Variants in MAGI2 observed in about 807,000 individuals in gnomAD.
MAGI2 encodes membrane-associated guanylate kinase, WW and PDZ domain-containing protein 2.
A neutral mutation model predicts 133.3 loss-of-function variants in MAGI2; 35 were observed. The observed-to-expected ratio is 0.26, with a 90% CI of 0.20 to 0.35. MAGI2 has a LOEUF of 0.35. Among genes scored for constraint, MAGI2 ranks in the 10% least tolerant of loss-of-function variants. The pLI is 1.00. For synonymous variants in MAGI2, 729 were observed against 710.6 expected, an observed-to-expected ratio of 1.03 and a Z score of -0.41; for missense variants, 1,636 against 1,863.4, an observed-to-expected ratio of 0.88 and a Z score of 2.25.
At chr7:78,181,607 C>T (rs899626883) in intron 13 of MAGI2, among the ~76,000 whole-genome samples, 2 of 152,096 alleles carry the variant, frequency 1.3e-5, no homozygotes, top group African/African-American at 2.4e-5. Context: ...GTTGGGTCCT[C>T]GGATCCTCAG....
chr7:78,022,865 A>T (rs991097826), intron 21 of MAGI2, among the ~76,000 whole-genome samples: 3 of 152,148 alleles, frequency 2.0e-5, no homozygotes, highest in African/African-American at 7.2e-5. Context: ...TCCTCTTATA[A>T]AAGTTTCTCA....
chr7:79,114,652 C>T (rs1194771228), intron 1 of MAGI2, among the ~76,000 whole-genome samples: 2 of 152,130 alleles, frequency 1.3e-5, no homozygotes, highest in Admixed American at 1.3e-4. Context: ...TAAGTTATTA[C>T]AGGACACACA....
At chr7:79,372,051 T>C (rs920866623) in intron 1 of MAGI2, among the ~76,000 whole-genome samples, 3 of 152,114 alleles carry the variant, frequency 2.0e-5, no homozygotes, top group African/African-American at 7.2e-5. Flanking sequence ...TCATTCTATT[T>C]TATGGGTAAA....
At chr7:79,198,520 G>T (rs538167440) in intron 1 of MAGI2, among the ~76,000 whole-genome samples, 1 of 152,044 alleles carries the variant, frequency 6.6e-6, no homozygotes, top group Admixed American at 6.5e-5. Flanking sequence ...TTACAATACT[G>T]ATCCTAAGAA....
At chr7:78,707,350 T>A (rs1818756923) in intron 2 of MAGI2, among the ~76,000 whole-genome samples, 1 of 152,226 alleles carries the variant, frequency 6.6e-6, no homozygotes, top group Admixed American at 6.5e-5. Flanking sequence ...CAAAAATTCC[T>A]TAAAATATGC....
chr7:78,453,081 G>A (rs1209650827), intron 6 of MAGI2, among the ~76,000 whole-genome samples: 2 of 152,056 alleles, frequency 1.3e-5, no homozygotes, highest in Non-Finnish European at 2.9e-5. Flanking sequence ...TGTATTCTCT[G>A]AGGTTTTATT....
intron 2 of MAGI2, among the ~76,000 whole-genome samples, chr7:78,978,681 A>G (rs1451933486): frequency 6.6e-6 from 1 of 151,872 alleles, no homozygotes; most frequent in Non-Finnish European, 1.5e-5. Flanking sequence ...TCATAGGACT[A>G]TATGCAGAAT....
intron 1 of MAGI2, among the ~76,000 whole-genome samples, chr7:79,152,567 C>A (rs1200010002): frequency 6.6e-6 from 1 of 152,162 alleles, no homozygotes; most frequent in East Asian, 1.9e-4. Flanking sequence ...CTGAGCCAGG[C>A]AACACTGTCT....
chr7:78,845,347 T>A (rs986262428), intron 2 of MAGI2, among the ~76,000 whole-genome samples: 1 of 151,950 alleles, frequency 6.6e-6, no homozygotes, highest in African/African-American at 2.4e-5. Flanking sequence ...TGCCAGGATT[T>A]ATCTCCATTT....
At chr7:78,643,249 A>G (rs1029786523) in intron 2 of MAGI2, among the ~76,000 whole-genome samples, 10 of 152,220 alleles carry the variant, frequency 6.6e-5, no homozygotes, top group Admixed American at 1.3e-4. Context: ...AGAAATGCCA[A>G]GAAAGTAGCT....
rs527865823 is a variant in MAGI2 at position 78,952,063 on chromosome 7, C to T, written c.418+55027G>A. ...ATAAAACCTAAACCTCTTTGCCTGGCATTTCCATTTCTAAAATCTGGCTCC... is the reference window on the plus strand; with the variant it reads ...ATAAAACCTAAACCTCTTTGCCTGGTATTTCCATTTCTAAAATCTGGCTCC... On this transcript the variant is annotated intron_variant, in intron 2 of 21. Coordinates refer to ENST00000354212, the MANE Select transcript of MAGI2 (RefSeq NM_012301.4). Among the ~76,000 whole-genome samples the T allele has an allele frequency of 4.6e-5, 7 of 152,266 alleles. No homozygotes were observed. The South Asian group carries it at 1.5e-3, about 32-fold the overall frequency.
chr7:79,170,761 G>T (rs780513126), intron 1 of MAGI2, among the ~76,000 whole-genome samples: 14 of 152,052 alleles, frequency 9.2e-5, no homozygotes, highest in Non-Finnish European at 2.1e-4. Context: ...ATACAGATCT[G>T]TCAGCAGGTC....
chr7:79,355,610 GTTGCAGGGCC>G (rs1841971971), intron 1 of MAGI2, among the ~76,000 whole-genome samples: 2 of 152,324 alleles, frequency 1.3e-5, no homozygotes, highest in South Asian at 4.1e-4. Context: ...AACCCAGATA[GTTGCAGGGCC>G]TTTCACACAA....
At chr7:78,367,568 C>G (rs955146006) in intron 7 of MAGI2, among the ~76,000 whole-genome samples, 1 of 152,178 alleles carries the variant, frequency 6.6e-6, no homozygotes, top group Non-Finnish European at 1.5e-5. Context: ...GTATTGTCCT[C>G]CACCCCAAAT....
At chr7:78,038,864 C>A (rs1049096193) in intron 21 of MAGI2, among the ~76,000 whole-genome samples, 2 of 152,206 alleles carry the variant, frequency 1.3e-5, no homozygotes, top group African/African-American at 4.8e-5. Flanking sequence ...AGTTCGTGGG[C>A]GTTTTCACTG....
chr7:78,247,291 T>G (rs1791899315), intron 10 of MAGI2, among the ~76,000 whole-genome samples: 1 of 151,842 alleles, frequency 6.6e-6, no homozygotes, highest in South Asian at 2.1e-4. Context: ...TCATCGCAAA[T>G]GTTAATTGCA....
chr7:78,947,451 T>C (rs1474672920), intron 2 of MAGI2, among the ~76,000 whole-genome samples: 1 of 152,188 alleles, frequency 6.6e-6, no homozygotes, highest in Non-Finnish European at 1.5e-5. Flanking sequence ...ATTAATAAGC[T>C]ACTTGAAAGT....
At chr7:78,274,272 C>T (rs1042327665) in intron 9 of MAGI2, among the ~76,000 whole-genome samples, 2 of 152,200 alleles carry the variant, frequency 1.3e-5, no homozygotes, top group Non-Finnish European at 2.9e-5. Context: ...GCAGATGCTG[C>T]AGAACAGCAA....
chr7:78,404,558 A>G (rs1797201601), intron 6 of MAGI2, among the ~76,000 whole-genome samples: 1 of 151,928 alleles, frequency 6.6e-6, no homozygotes, highest in African/African-American at 2.4e-5. Flanking sequence ...GACAAAAAGA[A>G]GAAATGGGGA....
Sources: allele counts gnomAD v4.1 joint callset (sites outside exome capture counted in the v4.1 genomes callset), GRCh38; gene constraint gnomAD v4.1.1; transcripts MANE v1.5; gene names NCBI Gene and HGNC (gene_info 2026-07-23, HGNC 2026-07-21).